C1orf94: variants seen among roughly 807,000 people sequenced by gnomAD.
C1orf94 encodes uncharacterized protein C1orf94.
In C1orf94, 45 loss-of-function variants were observed where a neutral mutation model predicts 53.6. That is an observed-to-expected ratio of 0.84 (90% CI 0.66 to 1.08). C1orf94 has a LOEUF of 1.08. Among genes scored for constraint, C1orf94 ranks in the 50% least tolerant of loss-of-function variants. The probability of loss-of-function intolerance (pLI) is 0.00; values close to 1 mark genes in which losing one functional copy is unlikely to be tolerated. For synonymous variants in C1orf94, 304 were observed against 296.1 expected (o/e 1.03, Z -0.27); for missense variants, 762 against 738.9 (o/e 1.03, Z -0.36).
intron 1 of C1orf94, among the ~76,000 whole-genome samples, chr1:34,189,795 C>T (rs1642453313): frequency 6.6e-6 from 1 of 152,230 alleles, no homozygotes; most frequent in South Asian, 2.1e-4. Flanking sequence ...TCTTCTGCTG[C>T]CTCATCCTCC....
chr1:34,212,253 G>C lies in C1orf94; in HGVS notation c.1568G>C (p.Arg523Pro). The change falls in exon 6 of 7, where the codon CGC becomes CCC. Residue 523 changes from arginine (R) to proline (P), a missense_variant. Transcript: ENST00000488417. ...NPQQMGQQIF[R>P]SSYTPLLSYI... The stretch of plus-strand genomic sequence containing the variant: ...CAGCAGATGGGACAGCAGATCTTCC[G>C]CTCTTCCTACACCCCTCTGCTGAGC... The C allele has an allele frequency of 6.2e-7, 1 of 1,613,182 alleles. No individual in the cohort carries two copies. Among genetic ancestry groups the C allele is most frequent in the South Asian group, 1.1e-5 (1 of 90,942 alleles).
At chr1:34,185,238 G>A (rs1557478622) in intron 1 of C1orf94, among the ~76,000 whole-genome samples, 1 of 152,116 alleles carries the variant, frequency 6.6e-6, no homozygotes, top group East Asian at 1.9e-4. Context: ...GGAGTGCAGT[G>A]GCGCGATCTT....
rs1642608095 is a variant in C1orf94 at position 34,197,478 on chromosome 1, C to A, written c.574C>A (p.Pro192Thr). The A allele has an allele frequency of 6.2e-7, 1 of 1,614,098 alleles. No homozygotes were observed. Among genetic ancestry groups the A allele is most frequent in the Admixed American group, 1.7e-5 (1 of 60,008 alleles). ...DKLLKQKVAM[P>T]VISSRQDCDS... is the part of the protein sequence containing the mutation. The stretch of plus-strand genomic sequence containing the variant: ...GCTTCTGAAGCAGAAGGTGGCCATG[C>A]CCGTTATCAGCAGCAGGCAGGACTG... The change falls in exon 2 of 7, where the codon CCC (proline) becomes ACC (threonine). Residue 192 changes from proline to threonine, a missense_variant. By Grantham distance (38) the Pro-to-Thr change is conservative (BLOSUM62 -1). Coordinates refer to ENST00000488417, the MANE Select transcript of C1orf94 (RefSeq NM_001134734.2). The surrounding 1 kb of genome is among the most constrained non-coding windows in gnomAD (Gnocchi z 4.1).
intron 1 of C1orf94, among the ~76,000 whole-genome samples, chr1:34,170,388 C>T (rs1172299709): frequency 1.3e-5 from 2 of 152,136 alleles, no homozygotes; most frequent in Non-Finnish European, 2.9e-5. Context: ...ATAAGAAGGG[C>T]TCCTAGCTCA....
intron 6 of C1orf94, 44 bp from the exon 7 acceptor site, chr1:34,218,642 A>T: frequency 6.8e-7 from 1 of 1,475,586 alleles, no homozygotes; most frequent in Non-Finnish European, 9.4e-7. Context: ...CTCTCCGATA[A>T]CATTAGGAAT....
intron 1 of C1orf94, among the ~76,000 whole-genome samples, chr1:34,193,486 T>C (rs1642531361): frequency 6.6e-6 from 1 of 152,108 alleles, no homozygotes; most frequent in Admixed American, 6.5e-5. Context: ...CTGAGTGCAT[T>C]CAGATTGGGG....
chr1:34,179,619 C>T (rs1438937626), intron 1 of C1orf94, among the ~76,000 whole-genome samples: 1 of 152,210 alleles, frequency 6.6e-6, no homozygotes, highest in Non-Finnish European at 1.5e-5. Flanking sequence ...ATATGTGCTG[C>T]CTTGTCTACC....
Position 34,215,276 on chromosome 1 carries a change from A to G in C1orf94, c.1721+2870A>G, listed in dbSNP as rs575519057. 6.6e-5 allele frequency among the ~76,000 whole-genome samples: 10 copies of G among 152,334 alleles called. No homozygotes were observed. In the South Asian group the frequency reaches 2.1e-3, roughly 32 times the overall value. On this transcript the variant is annotated intron_variant, in intron 6 of 6. Transcript: ENST00000488417. ...GGGAACCTGTGGCTGCAGCACAAAC[A>G]GTGAGGGAGGGAGTGCATGGAATTA...
In C1orf94 at chr1:34,218,836, G is replaced by T. The variant is rs1643034620; in HGVS notation, c.*75G>T. 1.5e-6 allele frequency: 2 copies of T among 1,376,890 alleles called. No homozygotes were observed. The highest frequency in any genetic ancestry group is 2.0e-6 in the Non-Finnish European group (2 of 1,001,112). 85.3% of individuals were successfully genotyped at this position (1,376,890 alleles called of 1,614,324 possible). On this transcript the variant is annotated 3_prime_UTR_variant, in exon 7 of 7. Transcript: ENST00000488417. ...GCTCTGATTTTTGGATTCTGCAAAA[G>T]CTTGGTATGAAGTTTGGAAAAGCAA...
At chr1:34,188,316 A>C (rs923135304) in intron 1 of C1orf94, among the ~76,000 whole-genome samples, 1 of 152,196 alleles carries the variant, frequency 6.6e-6, no homozygotes, top group Non-Finnish European at 1.5e-5. Context: ...AAGGAAGGAG[A>C]TTGACCTTTA....
intron 1 of C1orf94, among the ~76,000 whole-genome samples, chr1:34,191,094 A>C (rs868479421): frequency 1.3e-5 from 2 of 152,186 alleles, no homozygotes; most frequent in South Asian, 4.1e-4. Flanking sequence ...TCCCAAGAGA[A>C]ATAGGAAACT....
chr1:34,217,557 T>C (rs766019527), intron 6 of C1orf94, among the ~76,000 whole-genome samples: 4 of 152,204 alleles, frequency 2.6e-5, no homozygotes, highest in Non-Finnish European at 5.9e-5. Flanking sequence ...CCACATTGTG[T>C]CAGGCCCTGG....
chr1:34,179,092 C>A (rs563213148), intron 1 of C1orf94, among the ~76,000 whole-genome samples: 1 of 152,230 alleles, frequency 6.6e-6, no homozygotes, highest in Admixed American at 6.5e-5. Context: ...TCAGCTGCCT[C>A]GGGTTTCAGG....
chr1:34,207,683 G>A (rs1198918427), intron 4 of C1orf94, among the ~76,000 whole-genome samples: 2 of 152,172 alleles, frequency 1.3e-5, no homozygotes, highest in South Asian at 2.1e-4. Flanking sequence ...ACACACACAC[G>A]TAGAGACGTG....
chr1:34,203,449 A>T (rs1411085805), intron 4 of C1orf94, among the ~76,000 whole-genome samples: 1 of 152,084 alleles, frequency 6.6e-6, no homozygotes, highest in Non-Finnish European at 1.5e-5. Context: ...TTTATATCAG[A>T]GACTTGAGCA....
intron 5 of C1orf94, among the ~76,000 whole-genome samples, chr1:34,211,763 C>G (rs970824576): frequency 1.3e-5 from 2 of 152,108 alleles, no homozygotes; most frequent in African/African-American, 4.8e-5. Flanking sequence ...TGTTGAAAGG[C>G]TCTCAAGAGA....
upstream of C1orf94, among the ~76,000 whole-genome samples, chr1:34,172,507 G>A (rs1348136639): frequency 6.6e-6 from 1 of 152,186 alleles, no homozygotes; most frequent in African/African-American, 2.4e-5. Context: ...AGAAATGTCA[G>A]AGAAGTTAAG....
intron 5 of C1orf94, among the ~76,000 whole-genome samples, chr1:34,210,931 C>T (rs979814141): frequency 9.2e-5 from 14 of 152,072 alleles, no homozygotes; most frequent in South Asian, 6.2e-4. Flanking sequence ...CGGTTACAGG[C>T]GTGAGCCAAC....
intron 1 of C1orf94, among the ~76,000 whole-genome samples, chr1:34,195,329 G>A (rs1642561836): frequency 6.6e-6 from 1 of 152,184 alleles, no homozygotes; most frequent in Non-Finnish European, 1.5e-5. Flanking sequence ...GTGATGTTAG[G>A]TGTCACACCC....
Sources: allele counts gnomAD v4.1 joint callset (sites outside exome capture counted in the v4.1 genomes callset), GRCh38; gene constraint gnomAD v4.1.1; non-coding constraint Gnocchi (gnomAD v3.1); transcripts MANE v1.5; gene names NCBI Gene and HGNC (gene_info 2026-07-23, HGNC 2026-07-21).